Variants in PIGK observed in about 807,000 individuals in gnomAD.
PIGK encodes the protein GPI-anchor transamidase.
A neutral mutation model predicts 50.6 loss-of-function variants in PIGK; 42 were observed. The observed-to-expected ratio is 0.83, with a 90% CI of 0.65 to 1.07. The LOEUF is 1.07. PIGK is among the 50% of genes least tolerant of loss of function. The pLI is 0.00. For missense variants in PIGK, 448 were observed against 488.7 expected, an observed-to-expected ratio of 0.92 and a Z score of 0.78; for synonymous variants, 151 against 156.0, an observed-to-expected ratio of 0.97 and a Z score of 0.24.
At chr1:77,116,536 T>G (rs1474254896) in intron 10 of PIGK, among the ~76,000 whole-genome samples, 1 of 151,578 alleles carries the variant, frequency 6.6e-6, no homozygotes, top group Admixed American at 6.6e-5. Context: ...CCAAAAGGTT[T>G]CTAAACAAGC....
At chr1:77,193,265 G>C (rs576591739) in intron 3 of PIGK, among the ~76,000 whole-genome samples, 2 of 151,914 alleles carry the variant, frequency 1.3e-5, no homozygotes, top group Admixed American at 1.3e-4. Context: ...GTGTGTGTGT[G>C]TGTGTGTGTG....
At chr1:77,191,427 A>C (rs897240971) in intron 3 of PIGK, among the ~76,000 whole-genome samples, 1 of 152,190 alleles carries the variant, frequency 6.6e-6, no homozygotes, top group Non-Finnish European at 1.5e-5. Flanking sequence ...CTATAATAAA[A>C]GTATTTTGGA....
At chr1:77,110,255 A>G (rs1283074750) in intron 10 of PIGK, among the ~76,000 whole-genome samples, 1 of 152,192 alleles carries the variant, frequency 6.6e-6, no homozygotes, top group South Asian at 2.1e-4. Flanking sequence ...ATTGGAAAAA[A>G]CTACTTTAAA....
At chr1:77,199,679 C>T (rs886954133) in intron 3 of PIGK, among the ~76,000 whole-genome samples, 1 of 151,794 alleles carries the variant, frequency 6.6e-6, no homozygotes, top group African/African-American at 2.4e-5. Flanking sequence ...TCAGAGCAAT[C>T]TATGAAGTTC....
intron 6 of PIGK, among the ~76,000 whole-genome samples, chr1:77,162,665 G>C (rs1655154540): frequency 6.6e-6 from 1 of 152,212 alleles, no homozygotes; most frequent in Non-Finnish European, 1.5e-5. Context: ...ATATTTTCTG[G>C]GAAGTTTTTC....
chr1:77,154,589 A>G lies in PIGK; in HGVS notation c.846T>C (p.Ser282=), dbSNP rs930504539. The G allele has an allele frequency of 2.5e-6, 4 of 1,612,488 alleles. No individual in the cohort carries two copies. The African/African-American group carries it at 4.0e-5, about 16-fold the overall frequency. ...FQVCPKSLCV[S]TPGHRTDLFQ... is the part of the protein sequence containing the mutation. ...AAAGATCAGTGCGATGTCCAGGAGTAGACACACACAGACTTTTGGGACATA... is the reference window on the plus strand; with the variant it reads ...AAAGATCAGTGCGATGTCCAGGAGTGGACACACACAGACTTTTGGGACATA... Residue 282 remains serine, a synonymous_variant, in exon 9 of 11, where the codon TCT becomes TCC. Coordinates refer to ENST00000370812, the MANE Select transcript of PIGK (RefSeq NM_005482.3).
intron 1 of PIGK, among the ~76,000 whole-genome samples, chr1:77,214,180 G>T (rs530417342): frequency 6.6e-6 from 1 of 152,138 alleles, no homozygotes; most frequent in East Asian, 1.9e-4. Flanking sequence ...TGTTTTATGA[G>T]GCCAGCATTA....
chr1:77,139,788 G>C (rs1331815581), intron 9 of PIGK, among the ~76,000 whole-genome samples: 1 of 152,098 alleles, frequency 6.6e-6, no homozygotes, highest in Non-Finnish European at 1.5e-5. Context: ...GTGCATCTAG[G>C]TATCTTGTAA....
At chr1:77,117,324 C>A (rs1245516533) in intron 10 of PIGK, among the ~76,000 whole-genome samples, 2 of 152,132 alleles carry the variant, frequency 1.3e-5, no homozygotes, top group Non-Finnish European at 2.9e-5. Flanking sequence ...CTTGGAATGT[C>A]TTTCCTATTT....
chr1:77,213,132 C>A (rs914596721), intron 1 of PIGK, among the ~76,000 whole-genome samples: 2 of 152,108 alleles, frequency 1.3e-5, no homozygotes, highest in Admixed American at 6.5e-5. Flanking sequence ...ACCATGTTGG[C>A]CAGGCTGGTC....
At chr1:77,108,844 T>C (rs982447113) in intron 10 of PIGK, among the ~76,000 whole-genome samples, 2 of 152,340 alleles carry the variant, frequency 1.3e-5, no homozygotes, top group Admixed American at 1.3e-4. Context: ...ATTCATTTGA[T>C]CTTCAATCAC....
At chr1:77,197,981 G>A (rs955932284) in intron 3 of PIGK, among the ~76,000 whole-genome samples, 1 of 152,074 alleles carries the variant, frequency 6.6e-6, no homozygotes, top group Admixed American at 6.6e-5. Context: ...ATACCAAAGT[G>A]AAAATAAAAA....
intron 3 of PIGK, among the ~76,000 whole-genome samples, chr1:77,170,452 T>C (rs1259916892): frequency 2.0e-5 from 3 of 152,206 alleles, no homozygotes; most frequent in African/African-American, 4.8e-5. Flanking sequence ...TATGGTACTC[T>C]ATCTTATTGT....
chr1:77,192,416 G>A (rs1035415458), intron 3 of PIGK, among the ~76,000 whole-genome samples: 3 of 152,086 alleles, frequency 2.0e-5, no homozygotes, highest in Non-Finnish European at 4.4e-5. Flanking sequence ...ACATTAAATT[G>A]TTCAGGCACT....
At position 77,122,292 on chromosome 1, in the gene PIGK, C is replaced by A; in HGVS notation, c.1054G>T (p.Ala352Ser). 1 of 1,596,058 alleles carries A rather than the reference C, an allele frequency of 6.3e-7. No homozygotes were observed. The highest frequency in any genetic ancestry group is 8.6e-7 in the Non-Finnish European group (1 of 1,163,988). Residue 352 changes from alanine to serine, a missense_variant, in exon 10 of 11, where the codon GCT becomes TCT. Transcript: ENST00000370812. ...ATGCAAACCTGGTGTATTATCTGAG[C>A]TACAGGAAGTTGTTCAGCATATTTC... ...PLKYAEQLPV[A>S]QIIHQKPKLK...
chr1:77,124,818 A>T (rs542166218), intron 9 of PIGK, among the ~76,000 whole-genome samples: 2 of 152,254 alleles, frequency 1.3e-5, no homozygotes, highest in South Asian at 4.1e-4. Context: ...ACTCAAGAAT[A>T]AAAAAGCGAA....
intron 1 of PIGK, among the ~76,000 whole-genome samples, chr1:77,215,036 G>C (rs1656520880): frequency 6.6e-6 from 1 of 152,098 alleles, no homozygotes; most frequent in South Asian, 2.1e-4. Context: ...CATTGAATTG[G>C]AAGAATAAAT....
intron 10 of PIGK, among the ~76,000 whole-genome samples, chr1:77,110,883 G>A (rs1291558696): frequency 6.6e-6 from 1 of 152,050 alleles, no homozygotes; most frequent in African/African-American, 2.4e-5. Context: ...CTAATATCCA[G>A]AATCTACAAA....
chr1:77,176,532 CTA>C (rs912903593), intron 3 of PIGK, among the ~76,000 whole-genome samples: 7 of 152,236 alleles, frequency 4.6e-5, no homozygotes, highest in African/African-American at 1.7e-4. Context: ...GTGTTTTTAA[CTA>C]TGACTATTTA....
Sources: gnomAD v4.1 joint callset for allele counts (sites outside exome capture counted in the v4.1 genomes callset) on GRCh38, gnomAD v4.1.1 for gene constraint, MANE v1.5 for transcripts, NCBI Gene and HGNC (gene_info 2026-07-23, HGNC 2026-07-21) for gene names.